CSMD1: variants seen among roughly 807,000 people sequenced by gnomAD.
CSMD1 encodes CUB and Sushi multiple domains 1.
Under a neutral mutation model 417.5 loss-of-function variants are expected in CSMD1, and 213 were observed. That is an observed-to-expected ratio of 0.51 (90% CI 0.46 to 0.57). The LOEUF (loss-of-function observed/expected upper bound fraction) is 0.57, where lower values mean the gene tolerates loss of function less well. Among genes scored for constraint, CSMD1 ranks in the 20% least tolerant of loss-of-function variants. The probability of loss-of-function intolerance (pLI) is 0.00; values close to 1 mark genes in which losing one functional copy is unlikely to be tolerated. For synonymous variants in CSMD1, 2,862 were observed against 1,736.8 expected, an observed-to-expected ratio of 1.65 and a Z score of -16.11; for missense variants, 6,923 against 4,529.7, an observed-to-expected ratio of 1.53 and a Z score of -15.17.
At chr8:4,204,995 T>G (rs961396835) in intron 3 of CSMD1, among the ~76,000 whole-genome samples, 23 of 152,152 alleles carry the variant, frequency 1.5e-4, no homozygotes, top group African/African-American at 5.6e-4. Flanking sequence ...TAAGAATAAT[T>G]TACCTCCAAT....
chr8:2,972,751 G>A (rs188957450), intron 57 of CSMD1, among the ~76,000 whole-genome samples: 8 of 152,254 alleles, frequency 5.3e-5, no homozygotes, highest in East Asian at 1.9e-4. Context: ...TCCAGCCTGC[G>A]GAAATTCCCA....
chr8:4,782,141 G>C (rs1274024408), intron 1 of CSMD1, among the ~76,000 whole-genome samples: 2 of 152,166 alleles, frequency 1.3e-5, no homozygotes, highest in African/African-American at 4.8e-5. Flanking sequence ...GAGAGAGGTT[G>C]CTCAATGGGT....
At chr8:4,283,613 G>A (rs756616686) in intron 3 of CSMD1, among the ~76,000 whole-genome samples, 4 of 152,144 alleles carry the variant, frequency 2.6e-5, no homozygotes, top group African/African-American at 4.8e-5. Context: ...TTGGGGACAC[G>A]AAACTTTCCC....
chr8:3,506,756 C>T (rs1344588116), intron 10 of CSMD1, among the ~76,000 whole-genome samples: 1 of 152,136 alleles, frequency 6.6e-6, no homozygotes. Context: ...GATAATTCAA[C>T]AAGGTTGCTC....
intron 5 of CSMD1, among the ~76,000 whole-genome samples, chr8:3,954,812 G>A (rs1034641549): frequency 6.6e-6 from 1 of 151,950 alleles, no homozygotes; most frequent in East Asian, 1.9e-4. Flanking sequence ...CTTGCCCCTC[G>A]GAAGCGAGCA....
chr8:4,749,967 C>T (rs969458827), intron 1 of CSMD1, among the ~76,000 whole-genome samples: 2 of 151,838 alleles, frequency 1.3e-5, no homozygotes, highest in East Asian at 1.9e-4. Context: ...CCTCAAGTGC[C>T]TGTTTAATAA....
intron 7 of CSMD1, among the ~76,000 whole-genome samples, chr8:3,688,007 T>C (rs1270969877): frequency 1.3e-5 from 2 of 152,234 alleles, no homozygotes; most frequent in Non-Finnish European, 2.9e-5. Context: ...CTCTTTTAAA[T>C]CTGCAAATTT....
chr8:4,276,043 C>A (rs111720293), intron 3 of CSMD1, among the ~76,000 whole-genome samples: 2 of 152,210 alleles, frequency 1.3e-5, no homozygotes, highest in African/African-American at 4.8e-5. Flanking sequence ...TTAGTTCAAC[C>A]GTTGTGGAAG....
chr8:3,343,441 C>T lies in CSMD1; in HGVS notation c.3484G>A (p.Gly1162Arg). Reference protein sequence around the residue: ...FEGDTLKVYDGKDSSSRPLGT... With the variant: ...FEGDTLKVYDRKDSSSRPLGT... ...AGTGGACGTGAGGAACTGTCTTTTC[C>T]ATCATATACCTGATGAAAATTCACA... Residue 1162 changes from glycine (G) to arginine (R), a missense_variant, in exon 23 of 70, where the codon GGA becomes AGA. Coordinates refer to ENST00000635120, the MANE Select transcript of CSMD1 (RefSeq NM_033225.6). The T allele has an allele frequency of 6.2e-7, 1 of 1,612,370 alleles. No homozygotes were observed.
intron 3 of CSMD1, among the ~76,000 whole-genome samples, chr8:4,211,383 C>G (rs1800301854): frequency 6.6e-6 from 1 of 152,074 alleles, no homozygotes; most frequent in Admixed American, 6.6e-5. Context: ...TAATGCAATT[C>G]ATTTAAAATT....
rs1040115598 is a variant in CSMD1 at position 4,750,164 on chromosome 8, C to A, written c.86-112606G>T. 3.3e-5 allele frequency among the ~76,000 whole-genome samples: 5 copies of A among 152,144 alleles called. No homozygotes were observed. In the East Asian group the frequency reaches 7.7e-4, roughly 24 times the overall value. ...GGGACTACAGGCGCCCGCCACCACG[C>A]CCGGCTAATTTTTTTTGTATTTTTA... On this transcript the variant is annotated intron_variant, in intron 1 of 69. Coordinates refer to ENST00000635120, the MANE Select transcript of CSMD1 (RefSeq NM_033225.6).
chr8:3,498,017 T>C (rs984995785), intron 10 of CSMD1, among the ~76,000 whole-genome samples: 5 of 152,226 alleles, frequency 3.3e-5, no homozygotes, highest in African/African-American at 1.2e-4. Flanking sequence ...CTTTTCCTCA[T>C]CCGGGAATAA....
chr8:4,339,731 G>A lies in CSMD1; in HGVS notation c.415+80222C>T, dbSNP rs143361603. 5.5e-4 allele frequency among the ~76,000 whole-genome samples: 84 copies of A among 152,138 alleles called. 2 individuals are homozygous for A. The South Asian group carries it at 0.012, about 22-fold the overall frequency. ...AAGAAAATGAAAGAGGACGGTATAC[G>A]AAGTAGAAAAAGCTGAGTGCAGGGG... On this transcript the variant is annotated intron_variant, in intron 3 of 69. Coordinates refer to ENST00000635120, the MANE Select transcript of CSMD1 (RefSeq NM_033225.6).
intron 41 of CSMD1, among the ~76,000 whole-genome samples, chr8:3,142,167 G>C (rs1464502320): frequency 6.6e-6 from 1 of 152,106 alleles, no homozygotes; most frequent in Non-Finnish European, 1.5e-5. Context: ...TAAAACTCCG[G>C]TCTCCCACAC....
intron 5 of CSMD1, among the ~76,000 whole-genome samples, chr8:3,765,431 T>G (rs1798212267): frequency 6.6e-6 from 1 of 152,192 alleles, no homozygotes; most frequent in Non-Finnish European, 1.5e-5. Flanking sequence ...CCCTGGAAGT[T>G]ACTGTGTGTC....
chr8:4,536,097 G>C (rs1441941114), intron 2 of CSMD1, among the ~76,000 whole-genome samples: 1 of 152,074 alleles, frequency 6.6e-6, no homozygotes, highest in Non-Finnish European at 1.5e-5. Context: ...CAGTAAATCT[G>C]ATTACCATGT....
At chr8:2,959,272 T>A (rs1803266542) in intron 62 of CSMD1, among the ~76,000 whole-genome samples, 1 of 152,140 alleles carries the variant, frequency 6.6e-6, no homozygotes, top group Non-Finnish European at 1.5e-5. Context: ...CCCAGATGAT[T>A]TTTTGTATTC....
chr8:3,746,360 T>G (rs566703342), intron 6 of CSMD1, among the ~76,000 whole-genome samples: 7 of 152,228 alleles, frequency 4.6e-5, no homozygotes, highest in Non-Finnish European at 1.0e-4. Context: ...CTGTTTTAAA[T>G]AGCTGAGATT....
At chr8:4,398,506 G>A (rs1456981385) in intron 3 of CSMD1, among the ~76,000 whole-genome samples, 3 of 142,318 alleles carry the variant, frequency 2.1e-5, no homozygotes, top group Non-Finnish European at 4.6e-5. Flanking sequence ...CATTCTCCTA[G>A]CCTCAGCCTC....
Sources: gnomAD v4.1 joint callset for allele counts (sites outside exome capture counted in the v4.1 genomes callset) on GRCh38, gnomAD v4.1.1 for gene constraint, MANE v1.5 for transcripts, NCBI Gene and HGNC (gene_info 2026-07-23, HGNC 2026-07-21) for gene names.